SUN1: variants seen among roughly 807,000 people sequenced by gnomAD.
SUN1 encodes the protein SUN domain-containing protein 1.
SUN1 carries 61 observed loss-of-function variants against 103.2 expected under a neutral mutation model. That is an observed-to-expected ratio of 0.59 (90% CI 0.48 to 0.73). SUN1 has a LOEUF of 0.73. Ranked by LOEUF, SUN1 falls within the 30% of genes least tolerant of loss-of-function variation. SUN1 has a pLI of 0.00. For missense variants in SUN1, 1,052 were observed against 1,034.6 expected (o/e 1.02, Z -0.23); for synonymous variants, 490 against 425.7 (o/e 1.15, Z -1.86).
intron 16 of SUN1, among the ~76,000 whole-genome samples, chr7:867,826 A>C (rs1349148639): frequency 6.6e-6 from 1 of 152,218 alleles, no homozygotes; most frequent in Non-Finnish European, 1.5e-5. Context: ...GGCCCAGCTC[A>C]CTGAACGTCA....
intron 5 of SUN1, among the ~76,000 whole-genome samples, chr7:846,504 G>T (rs935216222): frequency 6.6e-6 from 1 of 151,866 alleles, no homozygotes; most frequent in Non-Finnish European, 1.5e-5. Context: ...GAGCCCAGGA[G>T]GTTGAGGCTG....
intron 5 of SUN1, among the ~76,000 whole-genome samples, chr7:849,072 C>T (rs540209055): frequency 5.9e-5 from 9 of 152,286 alleles, no homozygotes; most frequent in African/African-American, 1.9e-4. Context: ...CTGCCTCAGC[C>T]TCCCAAGTAG....
chr7:838,357 C>T (rs1049159994), intron 1 of SUN1, among the ~76,000 whole-genome samples: 2 of 152,324 alleles, frequency 1.3e-5, no homozygotes, highest in African/African-American at 2.4e-5. Context: ...GGAGCATTGA[C>T]GGCCCGATCA....
chr7:852,429 A>G (rs1249690675), intron 7 of SUN1, 180 bp from the exon 8 acceptor site: 9 of 707,414 alleles, frequency 1.3e-5, no homozygotes, highest in Non-Finnish European at 1.9e-5. Context: ...TAGGTCTCAA[A>G]GACACCATTT....
chr7:819,949 G>C (rs1374029669), intron 1 of SUN1, among the ~76,000 whole-genome samples: 1 of 152,016 alleles, frequency 6.6e-6, no homozygotes, highest in African/African-American at 2.4e-5. Flanking sequence ...CTCATGATCT[G>C]CCCACCTCGG....
chr7:853,214 G>T, intron 9 of SUN1, 195 bp from the exon 10 acceptor site: 1 of 757,366 alleles, frequency 1.3e-6, no homozygotes, highest in Admixed American at 2.9e-5. Flanking sequence ...AAAGTATAGA[G>T]AAGAAAATGA....
At chr7:865,815 T>TA (rs1379933292) in intron 15 of SUN1, 137 bp from the exon 16 acceptor site, 8 of 673,048 alleles carry the variant, frequency 1.2e-5, no homozygotes, top group Non-Finnish European at 1.8e-5. Context: ...TTGTAGTTTT[T>TA]ACTTGCATTT....
intron 3 of SUN1, 152 bp downstream of exon 3, chr7:842,282 G>T (rs956439724): frequency 1.1e-5 from 9 of 823,670 alleles, no homozygotes; most frequent in Non-Finnish European, 1.7e-5. Context: ...TTTGCTGCGT[G>T]ACTGGCTGGT....
In SUN1 at chr7:842,015, G is replaced by A. The variant is rs759842974; in HGVS notation, c.336G>A (p.Thr112=). ...FSINHVSRQV[T]SSGVSHGGTV... ...TCAACCACGTGTCAAGGCAGGTCAC[G>A]TCCTCTGGCGTCAGCCACGGCGGCA... The change falls in exon 3 of 19, where the codon ACG becomes ACA. Residue 112 remains threonine (T), a synonymous_variant. Transcript: ENST00000401592. 35 of 1,614,034 alleles carry A rather than the reference G, an allele frequency of 2.2e-5. No individual in the cohort carries two copies. Among genetic ancestry groups the A allele is most frequent in the Non-Finnish European group, 2.9e-5 (34 of 1,180,032 alleles).
intron 5 of SUN1, among the ~76,000 whole-genome samples, chr7:844,608 A>G (rs1813402920): frequency 6.6e-6 from 1 of 152,208 alleles, no homozygotes; most frequent in Non-Finnish European, 1.5e-5. Context: ...CACAATAAGA[A>G]AGTGTGAAAG....
chr7:851,823 A>G (rs1313300631), intron 6 of SUN1, 127 bp from the exon 7 acceptor site: 1 of 944,748 alleles, frequency 1.1e-6, no homozygotes, highest in East Asian at 2.5e-5. Context: ...GACTAGCATC[A>G]CCGAACTTCT....
At chr7:858,497 T>C (rs1319144282) in intron 13 of SUN1, among the ~76,000 whole-genome samples, 1 of 152,220 alleles carries the variant, frequency 6.6e-6, no homozygotes, top group Non-Finnish European at 1.5e-5. Flanking sequence ...GCACCCACCA[T>C]GCGTCTTCCC....
At chr7:835,646 G>T (rs949704899) in intron 1 of SUN1, among the ~76,000 whole-genome samples, 4 of 152,232 alleles carry the variant, frequency 2.6e-5, no homozygotes, top group African/African-American at 9.6e-5. Flanking sequence ...CTCTGTGACA[G>T]ATGGTGTTAC....
At chr7:834,690 C>T (rs544270032) in intron 1 of SUN1, among the ~76,000 whole-genome samples, 3 of 152,348 alleles carry the variant, frequency 2.0e-5, no homozygotes, top group Admixed American at 6.5e-5. Flanking sequence ...CTGTCTCCAT[C>T]ACTACCCTTG....
intron 2 of SUN1, among the ~76,000 whole-genome samples, chr7:839,908 A>G (rs1370218123): frequency 6.6e-6 from 1 of 152,196 alleles, no homozygotes; most frequent in African/African-American, 2.4e-5. Context: ...ACAAATACAT[A>G]AAGTTTAGGT....
chr7:831,954 T>A (rs1453238178), upstream of SUN1: 2 of 738,832 alleles, frequency 2.7e-6, no homozygotes, highest in South Asian at 6.1e-5. Flanking sequence ...CTAAAAAATA[T>A]CCTGTTTTTT....
At chr7:872,600 T>G (rs1842497374) in intron 18 of SUN1, 38 bp downstream of exon 18, 1 of 1,508,164 alleles carries the variant, frequency 6.6e-7, no homozygotes, top group Non-Finnish European at 9.0e-7. Context: ...GGTCTCTGAG[T>G]CCCACAACTT....
At chr7:839,049 A>G (rs751349218) in intron 2 of SUN1, 63 bp downstream of exon 2, 13 of 1,443,158 alleles carry the variant, frequency 9.0e-6, no homozygotes, top group Non-Finnish European at 1.1e-5. Flanking sequence ...AAGCTTCCAT[A>G]CTTTTTGGTC....
intron 1 of SUN1, among the ~76,000 whole-genome samples, chr7:836,632 C>T (rs2128249242): frequency 6.6e-6 from 1 of 152,356 alleles, no homozygotes; most frequent in Admixed American, 6.5e-5. Flanking sequence ...CTCCTTCTTA[C>T]TGAAGCCTTC....
Sources: gnomAD v4.1 joint callset for allele counts (sites outside exome capture counted in the v4.1 genomes callset) on GRCh38, gnomAD v4.1.1 for gene constraint, MANE v1.5 for transcripts, NCBI Gene and HGNC (gene_info 2026-07-23, HGNC 2026-07-21) for gene names.